Variants in ASPRV1 observed in about 807,000 individuals in gnomAD.
ASPRV1 encodes retroviral-like aspartic protease 1.
A neutral mutation model predicts 11.0 loss-of-function variants in ASPRV1; 7 were observed. The ratio of observed to expected loss-of-function variants is 0.64; its 90% confidence interval spans 0.36 to 1.20. ASPRV1 has a LOEUF of 1.20. Among genes scored for constraint, ASPRV1 ranks in the 50% most tolerant of loss-of-function variants. The pLI is 0.02. For missense variants in ASPRV1, 299 were observed against 320.0 expected (o/e 0.93, Z 0.50); for synonymous variants, 136 against 138.4 (o/e 0.98, Z 0.12).
chr2:70,065,731 A>G, the ASPRV1 span, among the ~76,000 whole-genome samples: 1 of 147,992 alleles, frequency 6.8e-6, no homozygotes, highest in East Asian at 2.1e-4. Flanking sequence ...AGGCTGAGGC[A>G]GGAAGATCCC....
chr2:70,083,809 G>A, the ASPRV1 span: 11 of 152,136 alleles, frequency 7.2e-5, no homozygotes, highest in African/African-American at 2.7e-4. Flanking sequence ...TAAGTAGAAG[G>A]ACCCTTAGAG....
At chr2:70,052,079 A>G in the ASPRV1 span, among the ~76,000 whole-genome samples, 1 of 152,160 alleles carries the variant, frequency 6.6e-6, no homozygotes, top group Non-Finnish European at 1.5e-5. Flanking sequence ...GTCTTCATGG[A>G]GCTTATATTC....
At chr2:69,933,118 G>A in the ASPRV1 span, among the ~76,000 whole-genome samples, 1 of 146,286 alleles carries the variant, frequency 6.8e-6, no homozygotes, top group African/African-American at 2.5e-5. Context: ...AGAATCTGTT[G>A]AGCCTGGGAG....
the ASPRV1 span, chr2:69,988,493 G>A: frequency 2.3e-5 from 7 of 308,666 alleles, no homozygotes; most frequent in Admixed American, 2.1e-4. Flanking sequence ...AAGTACAGCG[G>A]TGGTTGCAGG....
the ASPRV1 span, among the ~76,000 whole-genome samples, chr2:70,058,063 G>A: frequency 3.3e-5 from 5 of 152,240 alleles, no homozygotes; most frequent in East Asian, 1.9e-4. Flanking sequence ...GATTACAGGC[G>A]TGAGCCAACA....
rs1427176109 is a variant in ASPRV1 at position 69,960,248 on chromosome 2, C to G, written c.*409G>C. 1.1e-5 allele frequency: 2 copies of G among 183,574 alleles called. No homozygotes were observed. The highest frequency in any genetic ancestry group is 2.3e-5 in the Non-Finnish European group (2 of 86,784). The allele number at this position is 183,574 out of a possible 1,614,324, so 11.4% of individuals were successfully genotyped here. On this transcript the variant is annotated 3_prime_UTR_variant, in exon 1 of 1. Coordinates refer to ENST00000320256, the MANE Select transcript of ASPRV1 (RefSeq NM_152792.4). Reference sequence around the variant, plus strand: ...GAGCAACTGTGACCCTCACAAAGACCCTGCAGCTAGGACCCAGCCCAACTA... The same window carrying G: ...GAGCAACTGTGACCCTCACAAAGACGCTGCAGCTAGGACCCAGCCCAACTA...
At chr2:70,003,686 G>A in the ASPRV1 span, among the ~76,000 whole-genome samples, 10 of 152,308 alleles carry the variant, frequency 6.6e-5, no homozygotes, top group East Asian at 1.9e-4. Context: ...CGGCCATGAC[G>A]GCTGCCAGAG....
the ASPRV1 span, among the ~76,000 whole-genome samples, chr2:70,043,732 C>A: frequency 6.6e-6 from 1 of 152,196 alleles, no homozygotes. Context: ...GCTGTGCCTC[C>A]CCCTTCTAAG....
chr2:69,993,859 C>G, the ASPRV1 span: 5 of 152,242 alleles, frequency 3.3e-5, no homozygotes, highest in Admixed American at 3.3e-4. Flanking sequence ...TAAAAACCAC[C>G]TTCCACCAGC....
chr2:69,989,015 T>C, the ASPRV1 span, among the ~76,000 whole-genome samples: 10 of 152,240 alleles, frequency 6.6e-5, no homozygotes, highest in Admixed American at 5.9e-4. Context: ...ACTGCCTTCC[T>C]TCTCTAAAAC....
chr2:69,996,480 T>C, the ASPRV1 span, among the ~76,000 whole-genome samples: 3 of 152,142 alleles, frequency 2.0e-5, no homozygotes, highest in Admixed American at 2.0e-4. Context: ...AATAGCCACA[T>C]GTGGCCAGTA....
the ASPRV1 span, among the ~76,000 whole-genome samples, chr2:69,991,986 C>T: frequency 6.6e-6 from 1 of 152,232 alleles, no homozygotes; most frequent in African/African-American, 2.4e-5. Flanking sequence ...TCTGGCCAAC[C>T]TGGATGACCA....
At chr2:70,040,287 T>C in the ASPRV1 span, among the ~76,000 whole-genome samples, 4 of 152,290 alleles carry the variant, frequency 2.6e-5, no homozygotes, top group African/African-American at 7.2e-5. Context: ...GACAGGAAGA[T>C]TGCTTGAGCT....
At chr2:70,073,886 C>A in the ASPRV1 span, among the ~76,000 whole-genome samples, 1 of 152,002 alleles carries the variant, frequency 6.6e-6, no homozygotes, top group Non-Finnish European at 1.5e-5. Context: ...GTAATCCCAG[C>A]ACTTTGGGAG....
At chr2:69,969,165 C>G in the ASPRV1 span, among the ~76,000 whole-genome samples, 1 of 152,142 alleles carries the variant, frequency 6.6e-6, no homozygotes, top group African/African-American at 2.4e-5. Flanking sequence ...TGAGGCATAG[C>G]CTGCACTCCT....
chr2:69,935,993 C>G, the ASPRV1 span, among the ~76,000 whole-genome samples: 1 of 152,120 alleles, frequency 6.6e-6, no homozygotes, highest in African/African-American at 2.4e-5. Context: ...TCACTTGCCT[C>G]TGCAGCACCA....
At chr2:69,994,518 C>T in the ASPRV1 span, among the ~76,000 whole-genome samples, 5 of 152,102 alleles carry the variant, frequency 3.3e-5, no homozygotes, top group Admixed American at 6.6e-5. Flanking sequence ...AGCATGTGGG[C>T]GGTACAGTAA....
At chr2:70,016,007 T>A in the ASPRV1 span, 1 of 152,030 alleles carries the variant, frequency 6.6e-6, no homozygotes, top group Non-Finnish European at 1.5e-5. Flanking sequence ...CCACTTTCAA[T>A]AAAGCCAGAA....
the ASPRV1 span, among the ~76,000 whole-genome samples, chr2:69,987,651 G>A: frequency 1.3e-3 from 191 of 151,964 alleles, no homozygotes; most frequent in African/African-American, 4.5e-3. Flanking sequence ...TTGGGAGGCT[G>A]AGGTGGGAAG....
Sources: gnomAD v4.1 joint callset for allele counts (sites outside exome capture counted in the v4.1 genomes callset) on GRCh38, gnomAD v4.1.1 for gene constraint, MANE v1.5 for transcripts, NCBI Gene and HGNC (gene_info 2026-07-23, HGNC 2026-07-21) for gene names.